Variants in PTPRG observed in about 807,000 individuals in gnomAD.
PTPRG encodes receptor-type tyrosine-protein phosphatase gamma.
PTPRG carries 102 observed loss-of-function variants against 165.3 expected under a neutral mutation model. The observed-to-expected ratio is 0.62, with a 90% CI of 0.53 to 0.73. The LOEUF is 0.73. PTPRG is among the 30% of genes least tolerant of loss of function. The probability of loss-of-function intolerance (pLI) is 0.00; values close to 1 mark genes in which losing one functional copy is unlikely to be tolerated. For missense variants in PTPRG, 1,866 were observed against 1,861.4 expected, an observed-to-expected ratio of 1.00 and a Z score of -0.05; for synonymous variants, 675 against 669.5, an observed-to-expected ratio of 1.01 and a Z score of -0.13.
chr3:62,288,692 C>T (rs527800577), intron 28 of PTPRG, among the ~76,000 whole-genome samples: 5 of 150,304 alleles, frequency 3.3e-5, no homozygotes, highest in Non-Finnish European at 4.4e-5. Flanking sequence ...AAAAAAAATT[C>T]GAAAGTTGTT....
At chr3:61,598,762 G>A (rs941370474) in intron 1 of PTPRG, among the ~76,000 whole-genome samples, 3 of 152,090 alleles carry the variant, frequency 2.0e-5, no homozygotes, top group African/African-American at 4.8e-5. Context: ...GGCAGAGTTG[G>A]TTCCTTCTCA....
intron 3 of PTPRG, among the ~76,000 whole-genome samples, chr3:61,993,888 C>T (rs997531998): frequency 1.3e-5 from 2 of 152,104 alleles, no homozygotes; most frequent in African/African-American, 4.8e-5. Context: ...CGGCCTATTA[C>T]ATACAGACAG....
intron 2 of PTPRG, among the ~76,000 whole-genome samples, chr3:61,889,217 A>G (rs765557019): frequency 6.6e-6 from 1 of 152,158 alleles, no homozygotes; most frequent in Non-Finnish European, 1.5e-5. Flanking sequence ...TGTGATTTCT[A>G]TATATGTATT....
At chr3:61,859,015 T>G (rs1401563357) in intron 2 of PTPRG, among the ~76,000 whole-genome samples, 1 of 152,154 alleles carries the variant, frequency 6.6e-6, no homozygotes, top group Non-Finnish European at 1.5e-5. Flanking sequence ...GACAAAAAGT[T>G]GCTGAGTGAA....
chr3:61,916,037 A>G (rs1331336649), intron 2 of PTPRG, among the ~76,000 whole-genome samples: 2 of 152,220 alleles, frequency 1.3e-5, no homozygotes, highest in Non-Finnish European at 2.9e-5. Flanking sequence ...ATGCATAAAA[A>G]TATACAGAGT....
rs1702970763 is a variant in PTPRG at position 62,293,479 on chromosome 3, A to C, written c.*172A>C. 1 of 511,426 alleles carries C rather than the reference A, an allele frequency of 2.0e-6. No individual in the cohort carries two copies. Among genetic ancestry groups the C allele is most frequent in the Non-Finnish European group, 3.3e-6 (1 of 303,852 alleles). The allele number at this position is 511,426 out of a possible 1,614,324, so 31.7% of individuals were successfully genotyped here. A position where few individuals can be genotyped will look rare whatever the true frequency, so the allele number is the denominator to read the frequency against. ...ATGTCTTAATGGTATCCTACTGAGC[A>C]TTTGCACCTCTGTTCATTTCACACA... is the stretch of plus-strand genomic sequence containing the variant. On this transcript the variant is annotated 3_prime_UTR_variant, in exon 30 of 30. Transcript: ENST00000474889.
intron 1 of PTPRG, among the ~76,000 whole-genome samples, chr3:61,682,399 TTA>T (rs1360925209): frequency 1.3e-5 from 2 of 152,206 alleles, no homozygotes; most frequent in Non-Finnish European, 2.9e-5. Context: ...GCATAGAGAC[TTA>T]TATAGCAGAT....
chr3:62,139,204 C>A (rs749476442), intron 6 of PTPRG, among the ~76,000 whole-genome samples: 4 of 152,106 alleles, frequency 2.6e-5, no homozygotes, highest in Non-Finnish European at 5.9e-5. Context: ...GTGGCTCACA[C>A]TTGTAATCCC....
At chr3:62,015,532 A>T in intron 4 of PTPRG, among the ~76,000 whole-genome samples, 1 of 152,308 alleles carries the variant, frequency 6.6e-6, no homozygotes, top group Middle Eastern at 3.4e-3. Context: ...TTACAACCCA[A>T]GGTCTTGCTG....
intron 2 of PTPRG, among the ~76,000 whole-genome samples, chr3:61,927,660 A>G (rs1183023587): frequency 1.3e-5 from 2 of 152,320 alleles, no homozygotes; most frequent in South Asian, 2.1e-4. Flanking sequence ...AAGTAGAACC[A>G]GGACAGAATA....
intron 1 of PTPRG, among the ~76,000 whole-genome samples, chr3:61,739,638 A>G (rs926907934): frequency 2.6e-5 from 4 of 152,226 alleles, no homozygotes; most frequent in Admixed American, 1.3e-4. Context: ...TACCTAAGCT[A>G]CAGGACTACT....
chr3:61,834,760 C>G (rs1460439682), intron 2 of PTPRG, among the ~76,000 whole-genome samples: 1 of 152,150 alleles, frequency 6.6e-6, no homozygotes, highest in Non-Finnish European at 1.5e-5. Context: ...TTGCAGTGAG[C>G]TGAGATCGTG....
At chr3:61,653,034 G>T (rs1702401781) in intron 1 of PTPRG, among the ~76,000 whole-genome samples, 1 of 152,132 alleles carries the variant, frequency 6.6e-6, no homozygotes, top group Non-Finnish European at 1.5e-5. Flanking sequence ...TGTATTCATT[G>T]CAGAACATTT....
At chr3:62,127,205 A>T (rs1022166419) in intron 5 of PTPRG, among the ~76,000 whole-genome samples, 7 of 152,250 alleles carry the variant, frequency 4.6e-5, no homozygotes, top group African/African-American at 1.7e-4. Context: ...GCTAACCAAA[A>T]TGCAAGGATG....
chr3:61,790,300 CG>C (rs747842656), intron 2 of PTPRG, among the ~76,000 whole-genome samples: 7 of 152,180 alleles, frequency 4.6e-5, no homozygotes, highest in Non-Finnish European at 8.8e-5. Context: ...TTCTCTTCTC[CG>C]TCTGTCCCTT....
chr3:61,935,125 G>T (rs76939058), intron 2 of PTPRG, among the ~76,000 whole-genome samples: 16,341 of 151,852 alleles, frequency 0.11, 1,043 homozygotes, highest in South Asian at 0.16. Flanking sequence ...CCCCATCTCC[G>T]CCTCTCCCTA....
At position 62,240,212 on chromosome 3, in the gene PTPRG, G is replaced by A. The variant is rs1701126626; in HGVS notation, c.2376-3595G>A. 6.6e-6 allele frequency among the ~76,000 whole-genome samples: 1 copy of A among 152,154 alleles called. No individual in the cohort carries two copies. The highest frequency in any genetic ancestry group is 2.4e-5 in the African/African-American group (1 of 41,436). ...AAAATAAAACCCCCATGTAGTCCCA[G>A]CTACTTAGGAGGCTGAGGCACGAGA... On this transcript the variant is annotated intron_variant, in intron 14 of 29. Coordinates refer to ENST00000474889, the MANE Select transcript of PTPRG (RefSeq NM_002841.4). This position sits in a 1 kb window ranked among gnomAD's most constrained non-coding sequence, Gnocchi z 5.1.
chr3:61,884,505 G>C (rs575432827), intron 2 of PTPRG, among the ~76,000 whole-genome samples: 1 of 152,302 alleles, frequency 6.6e-6, no homozygotes, highest in South Asian at 2.1e-4. Context: ...TAGAAGAAAA[G>C]ACTATGGAAG....
intron 1 of PTPRG, among the ~76,000 whole-genome samples, chr3:61,732,959 C>G (rs1036399343): frequency 6.6e-6 from 1 of 152,050 alleles, no homozygotes; most frequent in African/African-American, 2.4e-5. Flanking sequence ...TGTTAGAATT[C>G]TCTTTACAAG....
Sources: allele counts gnomAD v4.1 joint callset (sites outside exome capture counted in the v4.1 genomes callset), GRCh38; gene constraint gnomAD v4.1.1; non-coding constraint Gnocchi (gnomAD v3.1); transcripts MANE v1.5; gene names NCBI Gene and HGNC (gene_info 2026-07-23, HGNC 2026-07-21).